The following OPCML variants were observed in gnomAD, a reference collection of about 807,000 sequenced individuals.
OPCML encodes the protein opioid binding protein/cell adhesion molecule like.
In OPCML, 13 loss-of-function variants were observed where a neutral mutation model predicts 37.8. The ratio of observed to expected loss-of-function variants is 0.34; its 90% CI spans 0.22 to 0.55. The LOEUF (loss-of-function observed/expected upper bound fraction) is 0.55, where lower values mean the gene tolerates loss of function less well. Ranked by LOEUF, OPCML falls within the 20% of genes least tolerant of loss-of-function variation. The probability of loss-of-function intolerance (pLI) is 0.91; values close to 1 mark genes in which losing one functional copy is unlikely to be tolerated. For missense variants in OPCML, 341 were observed against 435.6 expected, an observed-to-expected ratio of 0.78 and a Z score of 1.93; for synonymous variants, 176 against 168.8, an observed-to-expected ratio of 1.04 and a Z score of -0.33.
rs543900604 is a variant in OPCML at position 133,302,263 on chromosome 11, T to A, written c.61+230001A>T. 11 of 152,290 alleles carry A rather than the reference T, an allele frequency of 7.2e-5. No homozygotes were observed. In the East Asian group the frequency reaches 2.1e-3, roughly 29 times the overall value. The allele number at this position is 152,290 out of a possible 1,614,324, so 9.4% of individuals were successfully genotyped here. ...TTGAATCACAGGGGCGGTTCCCCCA[T>A]GCTGTTCTCATGATAGTGAGTTCTC... On this transcript the variant is annotated intron_variant, in intron 1 of 7. Coordinates refer to ENST00000524381, the MANE Select transcript of OPCML (RefSeq NM_001012393.5).
At position 133,140,615 on chromosome 11, in the gene OPCML, A is replaced by AGAGGAAGAGGAAGAG. The variant is rs1385391788; in HGVS notation, c.62-197620_62-197606dup. 6.4e-3 allele frequency among the ~76,000 whole-genome samples: 944 copies of AGAGGAAGAGGAAGAG among 147,508 alleles called. 5 individuals carry two copies. The highest frequency in any genetic ancestry group is 0.022 in the African/African-American group (898 of 40,030). ...GAAAGAAGAAAGAAGAAAGAGAAGA[A>AGAGGAAGAGGAAGAG]GAGGAAGAGGAAGAGGAGGAAGAGG... is the stretch of plus-strand genomic sequence containing the variant. On this transcript the variant is annotated intron_variant, in intron 1 of 7. Transcript: ENST00000524381.
intron 1 of OPCML, among the ~76,000 whole-genome samples, chr11:133,191,304 C>A (rs568773488): frequency 1.3e-5 from 2 of 151,916 alleles, no homozygotes; most frequent in African/African-American, 4.8e-5. Context: ...ATTTTTTGCT[C>A]ACTTAAAAAA....
chr11:133,037,385 G>A (rs1003487742), intron 1 of OPCML, among the ~76,000 whole-genome samples: 8 of 152,198 alleles, frequency 5.3e-5, no homozygotes, highest in African/African-American at 1.9e-4. Flanking sequence ...AAGCGTTCAA[G>A]TTGAGGCTGC....
chr11:132,879,263 A>G (rs943776248), intron 2 of OPCML, among the ~76,000 whole-genome samples: 5 of 152,242 alleles, frequency 3.3e-5, no homozygotes, highest in Non-Finnish European at 7.3e-5. Flanking sequence ...ATTCTTAGTA[A>G]AAGTATGAAA....
At chr11:132,494,089 A>T (rs2096224033) in intron 4 of OPCML, among the ~76,000 whole-genome samples, 1 of 152,102 alleles carries the variant, frequency 6.6e-6, no homozygotes. Flanking sequence ...CCACTTTATG[A>T]TCTCTTGTTA....
At chr11:132,738,345 T>A (rs1224778447) in intron 2 of OPCML, among the ~76,000 whole-genome samples, 1 of 152,210 alleles carries the variant, frequency 6.6e-6, no homozygotes, top group African/African-American at 2.4e-5. Context: ...CAAGCTTATC[T>A]GTTGAAGAGT....
chr11:132,921,246 A>C (rs900405941), intron 2 of OPCML, among the ~76,000 whole-genome samples: 1 of 152,266 alleles, frequency 6.6e-6, no homozygotes, highest in South Asian at 2.1e-4. Flanking sequence ...ATGGAAGACA[A>C]GTTCGCCTCC....
At chr11:132,435,226 A>G in intron 7 of OPCML, 1 of 1,289,780 alleles carries the variant, frequency 7.8e-7, no homozygotes, top group South Asian at 1.2e-5. Context: ...ATGCAGAGAG[A>G]AAACAAAAGA....
At chr11:132,587,390 A>G (rs1411777888) in intron 3 of OPCML, among the ~76,000 whole-genome samples, 1 of 152,230 alleles carries the variant, frequency 6.6e-6, no homozygotes, top group African/African-American at 2.4e-5. Flanking sequence ...TCAAATCATA[A>G]GATTGGGCAG....
rs1416404567 is a variant in OPCML at position 132,943,017 on chromosome 11, G to A, written c.62-7C>T. The A allele has an allele frequency of 5.7e-5, 92 of 1,614,010 alleles. No homozygotes were observed. The highest frequency in any genetic ancestry group is 7.8e-5 in the Non-Finnish European group (92 of 1,179,980). Reference sequence around the variant, plus strand: ...CCGCTGCGCACGGGCACTCCTGTGGGTACAAGGAACAGCAGCCTGAGAGAC... The same window carrying A: ...CCGCTGCGCACGGGCACTCCTGTGGATACAAGGAACAGCAGCCTGAGAGAC... On this transcript the variant is annotated splice_polypyrimidine_tract_variant and splice_region_variant and intron_variant, in intron 1 of 7. Coordinates refer to ENST00000524381, the MANE Select transcript of OPCML (RefSeq NM_001012393.5). This position sits in a 1 kb window ranked among gnomAD's most constrained non-coding sequence, Gnocchi z 4.3.
intron 1 of OPCML, among the ~76,000 whole-genome samples, chr11:133,251,412 T>C (rs73029330): frequency 6.6e-6 from 1 of 152,182 alleles, no homozygotes; most frequent in Non-Finnish European, 1.5e-5. Context: ...ACAATTATTT[T>C]CTGGAAATAA....
intron 3 of OPCML, among the ~76,000 whole-genome samples, chr11:132,606,364 C>A (rs1467545175): frequency 6.6e-6 from 1 of 152,170 alleles, no homozygotes; most frequent in African/African-American, 2.4e-5. Flanking sequence ...GCTGTCCAGA[C>A]CTCCCAGACA....
chr11:132,893,767 A>G (rs76591968), intron 2 of OPCML, among the ~76,000 whole-genome samples: 3,449 of 152,338 alleles, frequency 0.023, 132 homozygotes, highest in African/African-American at 0.079. Context: ...TTGAAGCTTC[A>G]GTCAAAATAT....
intron 3 of OPCML, among the ~76,000 whole-genome samples, chr11:132,649,469 T>C (rs1941320115): frequency 6.6e-6 from 1 of 151,890 alleles, no homozygotes; most frequent in Non-Finnish European, 1.5e-5. Flanking sequence ...GTGGGGTGAG[T>C]GTGGCCTTGC....
At chr11:132,777,671 C>T (rs987380878) in intron 2 of OPCML, among the ~76,000 whole-genome samples, 5 of 152,152 alleles carry the variant, frequency 3.3e-5, no homozygotes, top group East Asian at 3.9e-4. Flanking sequence ...AAAGATAAAT[C>T]GGCCACTTAA....
intron 1 of OPCML, among the ~76,000 whole-genome samples, chr11:133,474,775 T>C (rs958326301): frequency 1.3e-5 from 2 of 152,248 alleles, no homozygotes; most frequent in African/African-American, 4.8e-5. Context: ...AAAAGACAGA[T>C]GGCAGGAAGT....
intron 2 of OPCML, among the ~76,000 whole-genome samples, chr11:132,852,019 G>C (rs1941831540): frequency 6.6e-6 from 1 of 152,208 alleles, no homozygotes; most frequent in South Asian, 2.1e-4. Flanking sequence ...CTTCCTGGAA[G>C]CAGGAGCTGT....
chr11:132,977,148 A>G (rs1006779148), intron 1 of OPCML, among the ~76,000 whole-genome samples: 21 of 152,370 alleles, frequency 1.4e-4, no homozygotes, highest in African/African-American at 5.0e-4. Context: ...GGTATGTCTC[A>G]TAAAATAATA....
In OPCML at chr11:133,241,596, C is replaced by T. The variant is rs547892394; in HGVS notation, c.61+290668G>A. Among the ~76,000 whole-genome samples, 3 of 152,354 alleles carry T rather than the reference C, an allele frequency of 2.0e-5. No individual in the cohort carries two copies. The South Asian group carries it at 6.2e-4, about 32-fold the overall frequency. ...AATCTAAATTCCACAATATACCTAA[C>T]TAGCCTTCGCTCACATTTTAACCCT... On this transcript the variant is annotated intron_variant, in intron 1 of 7. Coordinates refer to ENST00000524381, the MANE Select transcript of OPCML (RefSeq NM_001012393.5).
Sources: gnomAD v4.1 joint callset for allele counts (sites outside exome capture counted in the v4.1 genomes callset) on GRCh38, gnomAD v4.1.1 for gene constraint, Gnocchi (gnomAD v3.1) non-coding constraint, MANE v1.5 for transcripts, NCBI Gene and HGNC (gene_info 2026-07-23, HGNC 2026-07-21) for gene names.